Variants in ATG7 observed in about 807,000 individuals in gnomAD.
ATG7 encodes the protein ubiquitin-like modifier-activating enzyme ATG7.
A neutral mutation model predicts 82.4 loss-of-function variants in ATG7; 70 were observed. That is an observed-to-expected ratio of 0.85 (90% confidence interval 0.70 to 1.04). The LOEUF (loss-of-function observed/expected upper bound fraction) is 1.04, where lower values mean the gene tolerates loss of function less well. Ranked by LOEUF, ATG7 falls within the 50% of genes least tolerant of loss-of-function variation. The pLI is 0.00. For synonymous variants in ATG7, 287 were observed against 313.0 expected, an observed-to-expected ratio of 0.92 and a Z score of 0.88; for missense variants, 792 against 864.3, an observed-to-expected ratio of 0.92 and a Z score of 1.05.
At chr3:11,518,558 GA>G (rs940781539) in intron 20 of ATG7, among the ~76,000 whole-genome samples, 3 of 144,878 alleles carry the variant, frequency 2.1e-5, no homozygotes, top group African/African-American at 5.1e-5. Flanking sequence ...AAAAAAAAAA[GA>G]AAAAAAAAAC....
At chr3:11,564,856 G>A in the ATG7 span, 2 of 1,607,734 alleles carry the variant, frequency 1.2e-6, no homozygotes, top group Non-Finnish European at 1.7e-6. Context: ...CTGGCGTCCA[G>A]GCTGTTCTTG....
rs894341784 is a variant in ATG7 at position 11,370,324 on chromosome 3, C to A, written c.1875+5590C>A. Among the ~76,000 whole-genome samples, 2 of 150,700 alleles carry A rather than the reference C, an allele frequency of 1.3e-5. 1 individual carries two copies. The highest frequency in any genetic ancestry group is 4.9e-5 in the African/African-American group (2 of 40,774). On this transcript the variant is annotated intron_variant, in intron 18 of 20. Coordinates refer to ENST00000693202, the MANE Select transcript of ATG7 (RefSeq NM_001349232.2). The stretch of plus-strand genomic sequence containing the variant: ...CTCATGTCCAGCTTAGTTTTTCTGC[C>A]CCCTTGGTGACTCTAGCTTAATAGC...
chr3:11,366,199 A>G lies in ATG7; in HGVS notation c.1875+1465A>G, dbSNP rs1028674773. 4.7e-5 allele frequency among the ~76,000 whole-genome samples: 7 copies of G among 148,610 alleles called. No homozygotes were observed. In the East Asian group the frequency reaches 1.4e-3, roughly 29 times the overall value. Reference sequence around the variant, plus strand: ...GCGCCATTGCACTGTGGCCTGGGCGACAGAGTGAGACTCCATCTCAAAAAA... The same window carrying G: ...GCGCCATTGCACTGTGGCCTGGGCGGCAGAGTGAGACTCCATCTCAAAAAA... On this transcript the variant is annotated intron_variant, in intron 18 of 20. Coordinates refer to ENST00000693202, the MANE Select transcript of ATG7 (RefSeq NM_001349232.2).
chr3:11,521,743 G>C (rs537052675), intron 20 of ATG7, among the ~76,000 whole-genome samples: 6 of 151,796 alleles, frequency 4.0e-5, no homozygotes, highest in African/African-American at 1.5e-4. Context: ...TAGTAGAGAC[G>C]GGGTTTCACT....
chr3:11,424,391 A>T (rs1475572950), intron 19 of ATG7, among the ~76,000 whole-genome samples: 3 of 152,006 alleles, frequency 2.0e-5, no homozygotes, highest in Non-Finnish European at 4.4e-5. Flanking sequence ...AGGTGGGAGG[A>T]TCACCTGAAC....
intron 9 of ATG7, among the ~76,000 whole-genome samples, chr3:11,330,992 G>A (rs963216752): frequency 2.0e-5 from 3 of 152,024 alleles, no homozygotes; most frequent in African/African-American, 7.2e-5. Flanking sequence ...ATATTTCTTT[G>A]TTTACAAGAG....
chr3:11,491,567 G>A (rs2090358368), intron 20 of ATG7, among the ~76,000 whole-genome samples: 1 of 152,102 alleles, frequency 6.6e-6, no homozygotes, highest in South Asian at 2.1e-4. Flanking sequence ...AGAGTTTCCA[G>A]TTTTTCTGCT....
At chr3:11,561,993 G>A (rs767508568), downstream of ATG7, among the ~76,000 whole-genome samples, 3 of 149,170 alleles carry the variant, frequency 2.0e-5, no homozygotes, top group Non-Finnish European at 4.4e-5. Context: ...TCCGCCTTCC[G>A]GGTTCAAGCG....
chr3:11,475,908 C>CACACACACACACACACACACACA (rs59230356), intron 20 of ATG7, among the ~76,000 whole-genome samples: 8 of 145,646 alleles, frequency 5.5e-5, no homozygotes, highest in East Asian at 4.0e-4. Context: ...CACACACACA[C>CACACACACACACACACACACACA]CCCCTCCCAG....
chr3:11,530,069 G>A (rs542975859), intron 20 of ATG7, among the ~76,000 whole-genome samples: 7 of 152,240 alleles, frequency 4.6e-5, no homozygotes, highest in Non-Finnish European at 8.8e-5. Context: ...TTTTGAGGAC[G>A]CCTCTCGGTC....
At chr3:11,455,864 C>A (rs1349399695) in intron 20 of ATG7, among the ~76,000 whole-genome samples, 1 of 152,168 alleles carries the variant, frequency 6.6e-6, no homozygotes, top group Non-Finnish European at 1.5e-5. Context: ...TCAAAACTTA[C>A]CTCAAATACC....
chr3:11,394,078 G>A (rs1041264674), intron 19 of ATG7, among the ~76,000 whole-genome samples: 3 of 152,124 alleles, frequency 2.0e-5, no homozygotes, highest in African/African-American at 4.8e-5. Context: ...TACACAAATC[G>A]TTGTCCAGGG....
intron 20 of ATG7, among the ~76,000 whole-genome samples, chr3:11,511,170 G>T (rs1223615573): frequency 6.6e-6 from 1 of 152,222 alleles, no homozygotes; most frequent in South Asian, 2.1e-4. Context: ...AGCGTGGAAG[G>T]GGACCTGAGC....
chr3:11,420,990 C>T (rs865949917), intron 19 of ATG7, among the ~76,000 whole-genome samples: 2 of 151,950 alleles, frequency 1.3e-5, no homozygotes, highest in African/African-American at 2.4e-5. Flanking sequence ...CTCCTGACCT[C>T]GTGATCCGCC....
At chr3:11,459,785 C>A (rs1218283983) in intron 20 of ATG7, among the ~76,000 whole-genome samples, 3 of 152,198 alleles carry the variant, frequency 2.0e-5, no homozygotes, top group Non-Finnish European at 4.4e-5. Context: ...CAACATAGAC[C>A]AAGCCTTATT....
At chr3:11,505,725 C>CA (rs1216487804) in intron 20 of ATG7, among the ~76,000 whole-genome samples, 1 of 151,954 alleles carries the variant, frequency 6.6e-6, no homozygotes, top group Non-Finnish European at 1.5e-5. Context: ...ACCCTAGGGC[C>CA]AAAAAAAGGA....
chr3:11,560,351 C>A (rs556436041), downstream of ATG7, among the ~76,000 whole-genome samples: 2 of 152,328 alleles, frequency 1.3e-5, no homozygotes, highest in South Asian at 4.1e-4. Flanking sequence ...TCTTCCAATA[C>A]CCCCGAGGAC....
chr3:11,389,068 C>T (rs1212832261), intron 19 of ATG7, among the ~76,000 whole-genome samples: 16 of 151,608 alleles, frequency 1.1e-4, no homozygotes, highest in Admixed American at 3.9e-4. Context: ...GCCAACATGG[C>T]GAAACCCTGT....
At chr3:11,286,492 G>A (rs527831596) in intron 3 of ATG7, among the ~76,000 whole-genome samples, 1 of 146,622 alleles carries the variant, frequency 6.8e-6, no homozygotes, top group African/African-American at 2.5e-5. Context: ...GTTATTTCTT[G>A]CTTTTGTTTC....
Sources: allele counts gnomAD v4.1 joint callset (sites outside exome capture counted in the v4.1 genomes callset), GRCh38; gene constraint gnomAD v4.1.1; transcripts MANE v1.5; gene names NCBI Gene and HGNC (gene_info 2026-07-23, HGNC 2026-07-21).